The following NDST4 variants were observed in gnomAD, a reference collection of about 807,000 sequenced individuals.
The protein encoded by NDST4 is N-heparan sulfate sulfotransferase 4.
A neutral mutation model predicts 100.8 loss-of-function variants in NDST4; 63 were observed. That is an observed-to-expected ratio of 0.62 (90% CI 0.51 to 0.77). The LOEUF (loss-of-function observed/expected upper bound fraction) is 0.77. Among genes scored for constraint, NDST4 ranks in the 30% least tolerant of loss-of-function variants. NDST4 has a pLI of 0.00. For synonymous variants in NDST4, 377 were observed against 361.8 expected, an observed-to-expected ratio of 1.04 and a Z score of -0.48; for missense variants, 943 against 1,018.4, an observed-to-expected ratio of 0.93 and a Z score of 1.01.
At chr4:114,858,107 TC>T (rs1427994944) in intron 7 of NDST4, among the ~76,000 whole-genome samples, 1 of 152,172 alleles carries the variant, frequency 6.6e-6, no homozygotes, top group Non-Finnish European at 1.5e-5. Flanking sequence ...TGGACCTCTT[TC>T]CCCTATGTCT....
intron 2 of NDST4, among the ~76,000 whole-genome samples, chr4:115,075,169 A>G (rs963270154): frequency 1.3e-5 from 2 of 152,324 alleles, no homozygotes. Context: ...AATAGGTATA[A>G]TAATGAAAGC....
chr4:115,095,749 C>A (rs1036099523), intron 1 of NDST4, among the ~76,000 whole-genome samples: 1 of 152,112 alleles, frequency 6.6e-6, no homozygotes. Flanking sequence ...CCTTCCAACA[C>A]TATAGAGGTT....
At chr4:114,839,260 G>C (rs1365873081) in intron 11 of NDST4, 118 bp downstream of exon 11, 45 of 856,520 alleles carry the variant, frequency 5.3e-5, no homozygotes, top group Non-Finnish European at 7.1e-5. Context: ...TTTTCTGCTT[G>C]TCAGTGCAAT....
chr4:114,979,147 G>T (rs1454492168), intron 2 of NDST4, among the ~76,000 whole-genome samples: 3 of 151,482 alleles, frequency 2.0e-5, no homozygotes, highest in African/African-American at 7.3e-5. Flanking sequence ...TATTCTCTTT[G>T]CCTAGAAAGC....
At chr4:114,870,973 C>T (rs1431192214) in intron 6 of NDST4, 23 bp from the exon 7 acceptor site, 3 of 1,577,814 alleles carry the variant, frequency 1.9e-6, no homozygotes, top group African/African-American at 1.4e-5. Context: ...TAAAAATGAC[C>T]ACAAAAATAT....
chr4:115,032,067 G>A (rs1192661145), intron 2 of NDST4, among the ~76,000 whole-genome samples: 1 of 151,942 alleles, frequency 6.6e-6, no homozygotes, highest in African/African-American at 2.4e-5. Context: ...ATAAAATTAT[G>A]AGCTCTTCTT....
intron 2 of NDST4, among the ~76,000 whole-genome samples, chr4:115,018,755 A>C (rs1204781244): frequency 6.6e-6 from 1 of 151,914 alleles, no homozygotes; most frequent in Admixed American, 6.6e-5. Context: ...CATGGGGCTA[A>C]GCACTTATAA....
chr4:115,092,469 A>G (rs1560597367), intron 1 of NDST4, among the ~76,000 whole-genome samples: 1 of 117,704 alleles, frequency 8.5e-6, no homozygotes, highest in Non-Finnish European at 2.1e-5. Context: ...AAATGATAAA[A>G]TGTCAGTTAG....
intron 4 of NDST4, among the ~76,000 whole-genome samples, chr4:114,948,483 T>G (rs1725918997): frequency 6.6e-6 from 1 of 152,126 alleles, no homozygotes. Flanking sequence ...TTCATTTACT[T>G]GAGTAACTGG....
intron 6 of NDST4, among the ~76,000 whole-genome samples, chr4:114,905,024 G>GA (rs1165739686): frequency 3.9e-5 from 6 of 151,900 alleles, no homozygotes; most frequent in African/African-American, 1.4e-4. Context: ...GCTGAAAAAT[G>GA]AAAGACAGAT....
At chr4:114,934,578 T>TA (rs145756537) in intron 6 of NDST4, among the ~76,000 whole-genome samples, 3 of 147,978 alleles carry the variant, frequency 2.0e-5, no homozygotes, top group Admixed American at 1.3e-4. Flanking sequence ...AAAATAAAAA[T>TA]AAAAAAAATA....
intron 2 of NDST4, among the ~76,000 whole-genome samples, chr4:115,012,608 G>A (rs533005199): frequency 1.3e-5 from 2 of 151,956 alleles, no homozygotes; most frequent in East Asian, 3.9e-4. Context: ...AATTAATTTT[G>A]CCAACTATAT....
intron 6 of NDST4, among the ~76,000 whole-genome samples, chr4:114,880,789 T>C (rs1391810848): frequency 6.6e-6 from 1 of 152,150 alleles, no homozygotes; most frequent in African/African-American, 2.4e-5. Context: ...AATTCTGTTG[T>C]TCTATAATAT....
chr4:114,929,448 A>G (rs764005988), intron 6 of NDST4, among the ~76,000 whole-genome samples: 32 of 152,234 alleles, frequency 2.1e-4, no homozygotes, highest in Middle Eastern at 3.4e-3. Context: ...TATCTTATCC[A>G]TACTATCGAC....
chr4:115,044,657 A>T (rs968395627), intron 2 of NDST4, among the ~76,000 whole-genome samples: 11 of 151,820 alleles, frequency 7.2e-5, no homozygotes, highest in Admixed American at 3.3e-4. Flanking sequence ...TATACCAAAC[A>T]TGTTAGGAAA....
At chr4:114,996,328 G>A (rs1727161391) in intron 2 of NDST4, among the ~76,000 whole-genome samples, 2 of 152,136 alleles carry the variant, frequency 1.3e-5, no homozygotes, top group African/African-American at 2.4e-5. Flanking sequence ...ACGACTGTAA[G>A]TTTCCTGAGT....
chr4:114,857,969 G>C (rs950935671), intron 7 of NDST4, among the ~76,000 whole-genome samples: 7 of 152,020 alleles, frequency 4.6e-5, no homozygotes, highest in Non-Finnish European at 7.3e-5. Context: ...ACAACCAAGA[G>C]AGCAGTATGA....
intron 2 of NDST4, among the ~76,000 whole-genome samples, chr4:115,001,017 C>T (rs536996023): frequency 6.6e-6 from 1 of 152,048 alleles, no homozygotes; most frequent in Non-Finnish European, 1.5e-5. Flanking sequence ...ATTCATGAGG[C>T]CTTCATCCTC....
intron 2 of NDST4, among the ~76,000 whole-genome samples, chr4:115,014,813 A>T (rs1727640215): frequency 6.6e-6 from 1 of 152,054 alleles, no homozygotes; most frequent in Non-Finnish European, 1.5e-5. Context: ...CTTTTGGCCT[A>T]CTGGACCTTA....
Sources: gnomAD v4.1 joint callset for allele counts (sites outside exome capture counted in the v4.1 genomes callset) on GRCh38, gnomAD v4.1.1 for gene constraint, MANE v1.5 for transcripts, NCBI Gene and HGNC (gene_info 2026-07-23, HGNC 2026-07-21) for gene names.